Variants in CYFIP2 observed in about 807,000 individuals in gnomAD.
CYFIP2 encodes cytoplasmic FMR1 interacting protein 2.
CYFIP2 carries 29 observed loss-of-function variants against 158.7 expected under a neutral mutation model. That is an observed-to-expected ratio of 0.18 (90% CI 0.14 to 0.25). The LOEUF (loss-of-function observed/expected upper bound fraction) is 0.25. Among genes scored for constraint, CYFIP2 ranks in the 10% least tolerant of loss-of-function variants. The pLI is 1.00. For synonymous variants in CYFIP2, 585 were observed against 617.6 expected, an observed-to-expected ratio of 0.95 and a Z score of 0.78; for missense variants, 852 against 1,639.5, an observed-to-expected ratio of 0.52 and a Z score of 8.29.
At chr5:157,359,987 A>T (rs1354382401) in intron 24 of CYFIP2, among the ~76,000 whole-genome samples, 1 of 152,244 alleles carries the variant, frequency 6.6e-6, no homozygotes, top group Non-Finnish European at 1.5e-5. Context: ...CAATCTGCAC[A>T]ATTTCCTGGC....
intron 23 of CYFIP2, among the ~76,000 whole-genome samples, chr5:157,343,903 C>G (rs1177490693): frequency 6.6e-6 from 1 of 152,118 alleles, no homozygotes; most frequent in Admixed American, 6.5e-5. Flanking sequence ...ATCAGTAGAA[C>G]CTCAGAGGCT....
At chr5:157,368,180 A>G (rs548533122) in intron 26 of CYFIP2, among the ~76,000 whole-genome samples, 2 of 152,302 alleles carry the variant, frequency 1.3e-5, no homozygotes, top group Admixed American at 6.5e-5. Flanking sequence ...GACTGCCTCT[A>G]TGGGATGTGA....
chr5:157,323,000 G>A (rs1295694978), intron 15 of CYFIP2: 1 of 1,535,948 alleles, frequency 6.5e-7, no homozygotes, highest in African/African-American at 1.4e-5. Flanking sequence ...CAGGGCCGAA[G>A]AGGCTGCCGA....
In CYFIP2 at chr5:157,285,456, C is replaced by T; in HGVS notation, c.95C>T (p.Pro32Leu). The T allele has an allele frequency of 6.4e-7, 1 of 1,573,054 alleles. No homozygotes were observed. The highest frequency in any genetic ancestry group is 8.6e-7 in the Non-Finnish European group (1 of 1,159,052). The change falls in exon 2 of 31, where the codon CCA becomes CTA. Residue 32 changes from proline (P) to leucine (L), a missense_variant. Physicochemically the swap from Pro to Leu is moderately conservative, Grantham distance 98. Coordinates refer to ENST00000620254, the MANE Select transcript of CYFIP2 (RefSeq NM_001037333.3). ...GACCAGCAGCCATGCATCGAGCCTCCACCTTCCTCCATCATGTACCAGGTA... is the reference window on the plus strand; with the variant it reads ...GACCAGCAGCCATGCATCGAGCCTCTACCTTCCTCCATCATGTACCAGGTA... ...LPDQQPCIEP[P>L]PSSIMYQANF... is the part of the protein sequence containing the mutation.
chr5:157,333,425 T>TGAGG lies in CYFIP2; in HGVS notation c.2365_2368dup (p.Asp790GlyfsTer16). ...ACCAAGCTATCAGCCGCTTTGAGAG[T>TGAGG]GAGGACCTGACCTCCATTGTGGTAA... On this transcript the variant is annotated frameshift_variant, in exon 21 of 31. Coordinates refer to ENST00000620254, the MANE Select transcript of CYFIP2 (RefSeq NM_001037333.3). LOFTEE classifies it high-confidence loss of function. 1 of 1,613,848 alleles carries TGAGG rather than the reference T, an allele frequency of 6.2e-7. No homozygotes were observed. The highest frequency in any genetic ancestry group is 8.5e-7 in the Non-Finnish European group (1 of 1,179,850).
In CYFIP2 at chr5:157,324,127, C is replaced by T. The variant is rs1026907408; in HGVS notation, c.1825+53C>T. ...CATGGGAGGAGGGGATGAGGGCTCTCAGAGCCGCTAAGACCACCAAGCCAG... is the reference window on the plus strand; with the variant it reads ...CATGGGAGGAGGGGATGAGGGCTCTTAGAGCCGCTAAGACCACCAAGCCAG... On this transcript the variant is annotated intron_variant, in intron 16 of 30. Coordinates refer to ENST00000620254, the MANE Select transcript of CYFIP2 (RefSeq NM_001037333.3). 5 of 1,549,336 alleles carry T rather than the reference C, an allele frequency of 3.2e-6. No individual in the cohort carries two copies. In the East Asian group the frequency reaches 6.8e-5, roughly 21 times the overall value.
chr5:157,393,060 C>G lies in CYFIP2; in HGVS notation c.*60C>G. 6.3e-7 allele frequency: 1 copy of G among 1,580,890 alleles called. No homozygotes were observed. The highest frequency in any genetic ancestry group is 8.6e-7 in the Non-Finnish European group (1 of 1,163,056). ...AAGAGAAGCAGGAGAGAGAAAGCCACAGCCAGCCTGCCATAGGATCCAACT... is the reference window on the plus strand; with the variant it reads ...AAGAGAAGCAGGAGAGAGAAAGCCAGAGCCAGCCTGCCATAGGATCCAACT... On this transcript the variant is annotated 3_prime_UTR_variant, in exon 31 of 31. Coordinates refer to ENST00000620254, the MANE Select transcript of CYFIP2 (RefSeq NM_001037333.3).
intron 6 of CYFIP2, 112 bp downstream of exon 6, chr5:157,301,008 C>T: frequency 1.1e-6 from 1 of 919,002 alleles, no homozygotes; most frequent in Non-Finnish European, 1.6e-6. Flanking sequence ...TCTTTGATAC[C>T]AAACTAGCCA....
intron 21 of CYFIP2, 69 bp downstream of exon 21, chr5:157,333,515 G>C: frequency 1.2e-6 from 2 of 1,608,026 alleles, no homozygotes; most frequent in Non-Finnish European, 1.7e-6. Context: ...GATGGGGACT[G>C]TAGTTAGTCT....
At chr5:157,318,546 C>A (rs912865878) in intron 13 of CYFIP2, among the ~76,000 whole-genome samples, 2 of 152,174 alleles carry the variant, frequency 1.3e-5, no homozygotes, top group African/African-American at 4.8e-5. Context: ...ACCATCACCT[C>A]CTGAGTTGTT....
At chr5:157,356,047 T>C (rs1012949724) in intron 23 of CYFIP2, among the ~76,000 whole-genome samples, 1 of 152,226 alleles carries the variant, frequency 6.6e-6, no homozygotes, top group African/African-American at 2.4e-5. Context: ...AGTATAGTCA[T>C]ATTCAGTAAG....
intron 23 of CYFIP2, among the ~76,000 whole-genome samples, chr5:157,354,044 G>A (rs1434396438): frequency 1.3e-5 from 2 of 152,242 alleles, no homozygotes; most frequent in East Asian, 1.9e-4. Context: ...ACATTTTAAA[G>A]TTCATCTACA....
intron 3 of CYFIP2, among the ~76,000 whole-genome samples, chr5:157,293,723 A>G (rs781142412): frequency 4.6e-5 from 7 of 152,232 alleles, no homozygotes; most frequent in Admixed American, 2.6e-4. Context: ...GACAAAACCA[A>G]TTCACTGAGA....
rs1478185896 is a variant in CYFIP2 at position 157,311,764 on chromosome 5, C to T, written c.1093C>T (p.Arg365Cys). Residue 365 changes from arginine (R) to cysteine (C), a missense_variant, in exon 11 of 31, where the codon CGC (arginine) becomes TGC (cysteine). Coordinates refer to ENST00000620254, the MANE Select transcript of CYFIP2 (RefSeq NM_001037333.3). The surrounding 1 kb of genome is among the most constrained non-coding windows in gnomAD (Gnocchi z 4.7). ...DHIRFISELA[R>C]YSNSEVVTGS... ...CATCCGCTTCATCTCCGAGCTCGCTCGCTACAGCAACAGTGAGGTGAGCAT... is the reference window on the plus strand; with the variant it reads ...CATCCGCTTCATCTCCGAGCTCGCTTGCTACAGCAACAGTGAGGTGAGCAT... 1.9e-6 allele frequency: 3 copies of T among 1,598,022 alleles called. No homozygotes were observed. Among genetic ancestry groups the T allele is most frequent in the Non-Finnish European group, 8.5e-7 (1 of 1,172,460 alleles).
chr5:157,305,520 T>C (rs1561709410), intron 8 of CYFIP2, among the ~76,000 whole-genome samples: 1 of 152,228 alleles, frequency 6.6e-6, no homozygotes, highest in Admixed American at 6.5e-5. Context: ...TTTTAGCATT[T>C]TCTTTTCCAA....
chr5:157,319,653 A>G, intron 13 of CYFIP2, 109 bp from the exon 14 acceptor site: 1 of 1,379,216 alleles, frequency 7.3e-7, no homozygotes, highest in Non-Finnish European at 9.9e-7. Context: ...CACTGGCCTC[A>G]TGCCTCTGGA....
At chr5:157,336,890 A>T (rs549033769) in intron 21 of CYFIP2, among the ~76,000 whole-genome samples, 23 of 152,240 alleles carry the variant, frequency 1.5e-4, no homozygotes, top group Non-Finnish European at 2.8e-4. Flanking sequence ...AATGTGTTGC[A>T]GAAATATCGT....
chr5:157,299,262 G>A (rs535829847), intron 5 of CYFIP2, among the ~76,000 whole-genome samples: 218 of 152,186 alleles, frequency 1.4e-3, no homozygotes, highest in African/African-American at 4.9e-3. Context: ...CATTGTCCAA[G>A]TCTGAGCCCT....
intron 3 of CYFIP2, among the ~76,000 whole-genome samples, chr5:157,291,234 A>C (rs2113859476): frequency 6.6e-6 from 1 of 152,328 alleles, no homozygotes; most frequent in Admixed American, 6.5e-5. Context: ...CAAGGGTTGA[A>C]CACGAATGAT....
Sources: gnomAD v4.1 joint callset for allele counts (sites outside exome capture counted in the v4.1 genomes callset) on GRCh38, gnomAD v4.1.1 for gene constraint, Gnocchi (gnomAD v3.1) non-coding constraint, MANE v1.5 for transcripts, NCBI Gene and HGNC (gene_info 2026-07-23, HGNC 2026-07-21) for gene names.